The following LARGE1 variants were observed in gnomAD, a reference collection of about 807,000 sequenced individuals.
LARGE1 encodes the protein xylosyl- and glucuronyltransferase LARGE1.
Under a neutral mutation model 87.6 loss-of-function variants are expected in LARGE1, and 43 were observed. That is an observed-to-expected ratio of 0.49 (90% CI 0.38 to 0.63). The LOEUF (loss-of-function observed/expected upper bound fraction) is 0.63, where lower values mean the gene tolerates loss of function less well. Ranked by LOEUF, LARGE1 falls within the 30% of genes least tolerant of loss-of-function variation. The pLI is 0.00. For synonymous variants in LARGE1, 434 were observed against 394.6 expected, an observed-to-expected ratio of 1.10 and a Z score of -1.18; for missense variants, 802 against 1,000.2, an observed-to-expected ratio of 0.80 and a Z score of 2.67.
chr22:33,417,382 G>A (rs1384926197), intron 7 of LARGE1, among the ~76,000 whole-genome samples: 4 of 152,298 alleles, frequency 2.6e-5, no homozygotes, highest in South Asian at 4.1e-4. Flanking sequence ...GCCCTCTGGG[G>A]AGAAATGCAG....
chr22:33,831,787 C>T (rs1224089808), intron 1 of LARGE1, among the ~76,000 whole-genome samples: 6 of 151,288 alleles, frequency 4.0e-5, no homozygotes, highest in African/African-American at 1.5e-4. Flanking sequence ...CACACACATA[C>T]ACATACACAG....
chr22:33,575,828 G>A (rs530579799), intron 5 of LARGE1, among the ~76,000 whole-genome samples: 23 of 152,214 alleles, frequency 1.5e-4, no homozygotes, highest in African/African-American at 5.5e-4. Flanking sequence ...TCCTCCTATC[G>A]GTGGCACAAA....
At chr22:33,452,590 C>A (rs1416583699) in intron 6 of LARGE1, among the ~76,000 whole-genome samples, 2 of 152,156 alleles carry the variant, frequency 1.3e-5, no homozygotes, top group Non-Finnish European at 2.9e-5. Flanking sequence ...GGGGGGACAT[C>A]TGTTCCTTAT....
chr22:33,776,269 T>C (rs922309161), intron 1 of LARGE1, among the ~76,000 whole-genome samples: 2 of 152,194 alleles, frequency 1.3e-5, no homozygotes, highest in Non-Finnish European at 2.9e-5. Context: ...TCAAGTTTAA[T>C]TGAGCCACAG....
intron 1 of LARGE1, among the ~76,000 whole-genome samples, chr22:33,865,443 G>A (rs1228186881): frequency 2.0e-5 from 3 of 152,146 alleles, no homozygotes; most frequent in Non-Finnish European, 4.4e-5. Flanking sequence ...GCAAATAAAT[G>A]TTTTCAACCT....
intron 6 of LARGE1, among the ~76,000 whole-genome samples, chr22:33,519,561 C>T (rs550024866): frequency 1.3e-5 from 2 of 152,240 alleles, no homozygotes; most frequent in South Asian, 2.1e-4. Context: ...TCCAGACACT[C>T]CCCACCCACA....
intron 1 of LARGE1, among the ~76,000 whole-genome samples, chr22:33,788,193 C>T (rs1231693337): frequency 2.0e-5 from 3 of 152,104 alleles, no homozygotes; most frequent in African/African-American, 4.8e-5. Flanking sequence ...ATACTGTGCT[C>T]GTGGTAGTGA....
At chr22:33,202,078 G>C (rs1924426441) in intron 11 of LARGE1, among the ~76,000 whole-genome samples, 1 of 151,500 alleles carries the variant, frequency 6.6e-6, no homozygotes, top group African/African-American at 2.4e-5. Flanking sequence ...GGAGGTTGCA[G>C]TGAGCTGAGA....
intron 2 of LARGE1, among the ~76,000 whole-genome samples, chr22:33,660,453 T>C (rs2081091285): frequency 6.6e-6 from 1 of 152,172 alleles, no homozygotes; most frequent in Non-Finnish European, 1.5e-5. Context: ...ATCCTGACAA[T>C]TGATCTGTGT....
At chr22:33,848,067 C>T (rs1025005541) in intron 1 of LARGE1, among the ~76,000 whole-genome samples, 9 of 152,218 alleles carry the variant, frequency 5.9e-5, no homozygotes, top group African/African-American at 2.2e-4. Context: ...GTGCGAAAAG[C>T]AGCTACTCCC....
chr22:33,859,055 G>A (rs574289836), intron 1 of LARGE1, among the ~76,000 whole-genome samples: 1 of 152,138 alleles, frequency 6.6e-6, no homozygotes, highest in Admixed American at 6.5e-5. Context: ...TCGGGGGCTA[G>A]GGGAGGGATA....
intron 1 of LARGE1, among the ~76,000 whole-genome samples, chr22:33,804,100 T>C (rs969187527): frequency 2.0e-5 from 3 of 152,134 alleles, no homozygotes; most frequent in Non-Finnish European, 4.4e-5. Flanking sequence ...CTCTCCTCCC[T>C]ATACAGAAGA....
At chr22:33,272,087 G>A (rs185441932), downstream of LARGE1, among the ~76,000 whole-genome samples, 1 of 152,212 alleles carries the variant, frequency 6.6e-6, no homozygotes, top group Non-Finnish European at 1.5e-5. Flanking sequence ...AGGTGGCTGG[G>A]CATGAGTCAG....
At chr22:33,831,482 G>A (rs1292028640) in intron 1 of LARGE1, among the ~76,000 whole-genome samples, 2 of 152,244 alleles carry the variant, frequency 1.3e-5, no homozygotes, top group Middle Eastern at 3.4e-3. Context: ...CGGAGTGGGA[G>A]GCTCATCGGA....
chr22:33,424,800 C>T (rs1030236750), intron 7 of LARGE1, among the ~76,000 whole-genome samples: 2 of 152,004 alleles, frequency 1.3e-5, no homozygotes, highest in East Asian at 1.9e-4. Context: ...GCTGTGTCTG[C>T]GCCACTGTAC....
chr22:33,516,904 C>A (rs2071333408), intron 6 of LARGE1, among the ~76,000 whole-genome samples: 2 of 152,116 alleles, frequency 1.3e-5, no homozygotes, highest in South Asian at 2.1e-4. Flanking sequence ...TATTTAAGCA[C>A]CTCTGTCCCC....
chr22:33,677,518 T>C (rs1017459860), intron 2 of LARGE1, among the ~76,000 whole-genome samples: 8 of 152,138 alleles, frequency 5.3e-5, no homozygotes, highest in Non-Finnish European at 1.2e-4. Flanking sequence ...ATATTTTTTC[T>C]CCATCACTGT....
At chr22:33,773,076 T>C (rs915712604) in intron 1 of LARGE1, among the ~76,000 whole-genome samples, 1 of 152,106 alleles carries the variant, frequency 6.6e-6, no homozygotes, top group Non-Finnish European at 1.5e-5. Context: ...CGTGAGGTCA[T>C]TTGCAAAGTT....
At position 33,815,787 on chromosome 22, in the gene LARGE1, C is replaced by T. The variant is rs563504536; in HGVS notation, c.-82-54229G>A. Among the ~76,000 whole-genome samples, 6 of 152,278 alleles carry T rather than the reference C, an allele frequency of 3.9e-5. No individual in the cohort carries two copies. In the East Asian group the frequency reaches 5.8e-4, roughly 15 times the overall value. On this transcript the variant is annotated intron_variant, in intron 1 of 14. Transcript: ENST00000397394. ...ATGTATGTATTCACATCCATGCAGA[C>T]GGCTCAGCAGAGCCCTGTGAGTGTG... is the stretch of plus-strand genomic sequence containing the variant.
Sources: allele counts gnomAD v4.1 joint callset (sites outside exome capture counted in the v4.1 genomes callset), GRCh38; gene constraint gnomAD v4.1.1; transcripts MANE v1.5; gene names NCBI Gene and HGNC (gene_info 2026-07-23, HGNC 2026-07-21).